SIPA1L3: variants seen among roughly 807,000 people sequenced by gnomAD.
SIPA1L3 encodes signal-induced proliferation-associated 1-like protein 3.
SIPA1L3 carries 59 observed loss-of-function variants against 150.1 expected under a neutral mutation model. That is an observed-to-expected ratio of 0.39 (90% CI 0.32 to 0.49). The LOEUF (loss-of-function observed/expected upper bound fraction) is 0.49. Ranked by LOEUF, SIPA1L3 falls within the 20% of genes least tolerant of loss-of-function variation. The pLI is 0.86. For missense variants in SIPA1L3, 2,211 were observed against 2,489.5 expected (o/e 0.89, Z 2.38); for synonymous variants, 1,070 against 1,077.6 (o/e 0.99, Z 0.14).
At chr19:38,084,919 C>T (rs1214256110) in intron 3 of SIPA1L3, among the ~76,000 whole-genome samples, 2 of 151,898 alleles carry the variant, frequency 1.3e-5, no homozygotes, top group Non-Finnish European at 2.9e-5. Context: ...GGATTACAGG[C>T]GTGAGCCACC....
Position 38,164,412 on chromosome 19 carries a change from G to T in SIPA1L3, c.3781-67G>T. ...AGGGTTCAGGCCCAGGCAGAGGGAG[G>T]ACCCGGCAAGGGAAGATGCGCCCCT... On this transcript the variant is annotated intron_variant, in intron 14 of 21. Coordinates refer to ENST00000222345, the MANE Select transcript of SIPA1L3 (RefSeq NM_015073.3). This position sits in a 1 kb window ranked among gnomAD's most constrained non-coding sequence, Gnocchi z 4.1. 6.8e-7 allele frequency: 1 copy of T among 1,461,198 alleles called. No individual in the cohort carries two copies. Among genetic ancestry groups the T allele is most frequent in the South Asian group, 1.3e-5 (1 of 79,044 alleles). The allele number at this position is 1,461,198 out of a possible 1,614,324, so 90.5% of individuals were successfully genotyped here.
chr19:37,953,490 C>A (rs1233333372), intron 1 of SIPA1L3, among the ~76,000 whole-genome samples: 2 of 152,206 alleles, frequency 1.3e-5, no homozygotes, highest in African/African-American at 4.8e-5. Flanking sequence ...AGAGGGTAAT[C>A]ACTGACTTAG....
intron 20 of SIPA1L3, among the ~76,000 whole-genome samples, chr19:38,202,511 C>G (rs982305310): frequency 6.6e-6 from 1 of 152,072 alleles, no homozygotes; most frequent in Non-Finnish European, 1.5e-5. Flanking sequence ...TTGCTTGAAC[C>G]CGGGAGGCGA....
At chr19:38,163,265 G>T (rs921125398) in intron 14 of SIPA1L3, among the ~76,000 whole-genome samples, 8 of 152,064 alleles carry the variant, frequency 5.3e-5, no homozygotes, top group African/African-American at 1.9e-4. Flanking sequence ...CAAGGCGGAC[G>T]GATCACCTGC....
chr19:38,108,703 T>C (rs928865223), intron 7 of SIPA1L3: 1 of 152,164 alleles, frequency 6.6e-6, no homozygotes, highest in African/African-American at 2.4e-5. Context: ...AAGAACAATA[T>C]AATAGGCTGG....
Position 38,164,435 on chromosome 19 carries a change from C to T in SIPA1L3, c.3781-44C>T, listed in dbSNP as rs978512795. 1.3e-6 allele frequency: 2 copies of T among 1,549,808 alleles called. No individual in the cohort carries two copies. Among genetic ancestry groups the T allele is most frequent in the Non-Finnish European group, 1.8e-6 (2 of 1,138,626 alleles). ...AGGACCCGGCAAGGGAAGATGCGCC[C>T]CTGCCCTGGAGTCTGGGAATGACAC... is the stretch of plus-strand genomic sequence containing the variant. On this transcript the variant is annotated intron_variant, in intron 14 of 21. Transcript: ENST00000222345. This position sits in a 1 kb window ranked among gnomAD's most constrained non-coding sequence, Gnocchi z 4.1.
chr19:38,100,926 A>G (rs1284355577), intron 5 of SIPA1L3, 126 bp from the exon 6 acceptor site: 4 of 1,088,850 alleles, frequency 3.7e-6, no homozygotes, highest in Non-Finnish European at 3.6e-6. Context: ...CTGTCTGGCT[A>G]TGGCTCTGGG....
At chr19:38,074,787 T>C (rs1342693635) in intron 2 of SIPA1L3, among the ~76,000 whole-genome samples, 1 of 152,244 alleles carries the variant, frequency 6.6e-6, no homozygotes, top group East Asian at 1.9e-4. Context: ...ATTTTTGAGA[T>C]AGAGTCTTGC....
intron 9 of SIPA1L3, among the ~76,000 whole-genome samples, chr19:38,123,838 T>G (rs855628): frequency 9.2e-6 from 1 of 108,210 alleles, no homozygotes. Context: ...CCAGTAGGGG[T>G]GGCCGGGCAG....
chr19:37,998,181 T>A (rs560722290), intron 1 of SIPA1L3, among the ~76,000 whole-genome samples: 1 of 152,250 alleles, frequency 6.6e-6, no homozygotes, highest in East Asian at 1.9e-4. Context: ...AAAATCTGAG[T>A]CAGAAGCGAC....
chr19:38,169,405 A>T (rs147840982), intron 15 of SIPA1L3, among the ~76,000 whole-genome samples: 1 of 151,726 alleles, frequency 6.6e-6, no homozygotes, highest in Admixed American at 6.6e-5. Flanking sequence ...AAAAAAATCC[A>T]TGTGGATAAG....
intron 15 of SIPA1L3, among the ~76,000 whole-genome samples, chr19:38,170,872 G>A (rs1465337619): frequency 6.6e-6 from 1 of 152,018 alleles, no homozygotes; most frequent in African/African-American, 2.4e-5. Flanking sequence ...AAGGAGGAGA[G>A]GGGTTCAGTG....
At chr19:38,063,355 C>A (rs1217428313) in intron 2 of SIPA1L3, among the ~76,000 whole-genome samples, 1 of 152,182 alleles carries the variant, frequency 6.6e-6, no homozygotes, top group African/African-American at 2.4e-5. Context: ...CCACTGCCGC[C>A]CCCCATCCCC....
At chr19:38,085,697 A>T (rs1471949959) in intron 3 of SIPA1L3, among the ~76,000 whole-genome samples, 3 of 152,158 alleles carry the variant, frequency 2.0e-5, no homozygotes, top group African/African-American at 7.2e-5. Flanking sequence ...CTAGATTTAA[A>T]AAATGGATCA....
chr19:38,170,795 C>T (rs960399751), intron 15 of SIPA1L3, among the ~76,000 whole-genome samples: 1 of 151,740 alleles, frequency 6.6e-6, no homozygotes, highest in Non-Finnish European at 1.5e-5. Context: ...CTAGGGCCAG[C>T]GATAATGTTC....
intron 4 of SIPA1L3, among the ~76,000 whole-genome samples, chr19:38,091,405 T>C (rs1257411661): frequency 6.6e-6 from 1 of 151,980 alleles, no homozygotes; most frequent in Admixed American, 6.6e-5. Flanking sequence ...TACATACACA[T>C]ATGTATATAT....
intron 8 of SIPA1L3, among the ~76,000 whole-genome samples, chr19:38,118,911 C>CTGTT (rs10667848): frequency 0.66 from 99,520 of 151,532 alleles, 34,173 homozygotes; most frequent in African/African-American, 0.86. Context: ...CAGAAGGAAA[C>CTGTT]TGGCCGCGTG....
rs1287945800 is a variant in SIPA1L3, at chr19:38,162,365, T to C, written c.3774T>C (p.His1258=). 2.5e-6 allele frequency: 4 copies of C among 1,613,300 alleles called. No homozygotes were observed. The African/African-American group carries it at 5.3e-5, about 22-fold the overall frequency. ...CAGGCAAAGATTCCCCCAACAGGCA[T>C]TCCAAAGTGAGTCTGGGCCCCACCC... ...DAAGKDSPNR[H]SKGEPQYSSH... The change falls in exon 14 of 22, where the codon CAT becomes CAC. Residue 1258 remains histidine, a synonymous_variant. Transcript: ENST00000222345.
chr19:38,170,896 A>G (rs1298698880), intron 15 of SIPA1L3, among the ~76,000 whole-genome samples: 1 of 152,072 alleles, frequency 6.6e-6, no homozygotes, highest in Non-Finnish European at 1.5e-5. Flanking sequence ...CTGGAGAGAC[A>G]TTCATCTGGG....
Sources: allele counts gnomAD v4.1 joint callset (sites outside exome capture counted in the v4.1 genomes callset), GRCh38; gene constraint gnomAD v4.1.1; non-coding constraint Gnocchi (gnomAD v3.1); transcripts MANE v1.5; gene names NCBI Gene and HGNC (gene_info 2026-07-23, HGNC 2026-07-21).